Variants in HCN1 observed in about 807,000 individuals in gnomAD.
HCN1 encodes the protein potassium/sodium hyperpolarization-activated cyclic nucleotide-gated channel 1.
Under a neutral mutation model 78.9 loss-of-function variants are expected in HCN1, and 13 were observed. The ratio of observed to expected loss-of-function variants is 0.16; its 90% CI spans 0.11 to 0.26. The LOEUF is 0.26. Ranked by LOEUF, HCN1 falls within the 10% of genes least tolerant of loss-of-function variation. The probability of loss-of-function intolerance (pLI) is 1.00; values close to 1 mark genes in which losing one functional copy is unlikely to be tolerated. For synonymous variants in HCN1, 552 were observed against 455.5 expected (o/e 1.21, Z -2.70); for missense variants, 810 against 1,154.3 (o/e 0.70, Z 4.32).
In HCN1 at chr5:45,645,347, G is replaced by A. The variant is rs1442056712; in HGVS notation, c.687C>T (p.Ser229=). Residue 229 remains serine (S), a synonymous_variant, in exon 2 of 8, where the codon TCC becomes TCT. Coordinates refer to ENST00000303230, the MANE Select transcript of HCN1 (RefSeq NM_021072.4). Reference sequence around the variant, plus strand: ...TAAGAAAGATATAATCCACTGGGATGGATGAGATGAAGTCAACCACAAACC... The same window carrying A: ...TAAGAAAGATATAATCCACTGGGATAGATGAGATGAAGTCAACCACAAACC... The part of the protein sequence containing the change: ...KSWFVVDFIS[S]IPVDYIFLIV... 1 of 1,613,574 alleles carries A rather than the reference G, an allele frequency of 6.2e-7. No individual in the cohort carries two copies. The highest frequency in any genetic ancestry group is 1.1e-5 in the South Asian group (1 of 91,066).
chr5:45,522,825 A>C (rs980302551), intron 2 of HCN1, among the ~76,000 whole-genome samples: 3 of 151,860 alleles, frequency 2.0e-5, no homozygotes, highest in Admixed American at 6.6e-5. Flanking sequence ...ATATTGTCCA[A>C]GTCTGCTTTC....
intron 2 of HCN1, among the ~76,000 whole-genome samples, chr5:45,499,723 A>G (rs1269494765): frequency 6.6e-6 from 1 of 152,214 alleles, no homozygotes; most frequent in African/African-American, 2.4e-5. Context: ...GTCACACTAT[A>G]CATGACACTG....
intron 2 of HCN1, among the ~76,000 whole-genome samples, chr5:45,519,077 G>A (rs1325181723): frequency 6.6e-6 from 1 of 151,828 alleles, no homozygotes; most frequent in African/African-American, 2.4e-5. Context: ...TCAAAATCAA[G>A]TTATGCTAGC....
At chr5:45,481,594 T>C (rs1481187284) in intron 2 of HCN1, among the ~76,000 whole-genome samples, 3 of 152,130 alleles carry the variant, frequency 2.0e-5, no homozygotes, top group Non-Finnish European at 2.9e-5. Flanking sequence ...TACTCTGACA[T>C]AGCAGCTGAA....
intron 2 of HCN1, among the ~76,000 whole-genome samples, chr5:45,485,455 T>C (rs1741737265): frequency 6.6e-6 from 1 of 152,182 alleles, no homozygotes; most frequent in Non-Finnish European, 1.5e-5. Context: ...ACTTAAATTT[T>C]CCTCTTATTA....
chr5:45,493,816 G>A (rs1024502397), intron 2 of HCN1, among the ~76,000 whole-genome samples: 4 of 126,684 alleles, frequency 3.2e-5, no homozygotes, highest in African/African-American at 1.2e-4. Context: ...AGTTCTCATT[G>A]TTCAATTCCC....
At chr5:45,428,483 A>G (rs1321434807) in intron 3 of HCN1, among the ~76,000 whole-genome samples, 2 of 151,956 alleles carry the variant, frequency 1.3e-5, no homozygotes, top group Non-Finnish European at 2.9e-5. Context: ...AATTCATGTC[A>G]CTCTAATTCA....
chr5:45,481,355 A>G (rs1407036394), intron 2 of HCN1, among the ~76,000 whole-genome samples: 1 of 152,224 alleles, frequency 6.6e-6, no homozygotes, highest in African/African-American at 2.4e-5. Context: ...TTGGTTTCAA[A>G]CTAGATATGA....
At chr5:45,598,576 T>C (rs943789895) in intron 2 of HCN1, among the ~76,000 whole-genome samples, 3 of 152,146 alleles carry the variant, frequency 2.0e-5, no homozygotes, top group African/African-American at 7.2e-5. Flanking sequence ...TGGGATCTAA[T>C]TAAACTGAAG....
chr5:45,544,551 T>A (rs969890536), intron 2 of HCN1, among the ~76,000 whole-genome samples: 4 of 151,828 alleles, frequency 2.6e-5, no homozygotes, highest in African/African-American at 9.7e-5. Context: ...CCCGTTAAAT[T>A]GTCATTTACA....
intron 3 of HCN1, among the ~76,000 whole-genome samples, chr5:45,421,570 C>A (rs73101214): frequency 0.013 from 1,943 of 151,886 alleles, 31 homozygotes; most frequent in Middle Eastern, 0.041. Context: ...CAAAAAAAAA[C>A]CAAGAAACAG....
At position 45,262,194 on chromosome 5, in the gene HCN1, C is replaced by T. The variant is rs1261296520; in HGVS notation, c.2400G>A (p.Leu800=). 1 of 1,613,922 alleles carries T rather than the reference C, an allele frequency of 6.2e-7. No individual in the cohort carries two copies. Among genetic ancestry groups the T allele is most frequent in the Non-Finnish European group, 8.5e-7 (1 of 1,180,036 alleles). Residue 800 remains leucine, a synonymous_variant, in exon 8 of 8, where the codon CTG becomes CTA. Coordinates refer to ENST00000303230, the MANE Select transcript of HCN1 (RefSeq NM_021072.4). ...QPSLPHEVST[L]ISRPHPTVGE... is the part of the protein sequence containing the mutation. The stretch of plus-strand genomic sequence containing the variant: ...CCACAGTGGGATGAGGTCTGGAAAT[C>T]AGAGTGGACACCTCATGGGGCAGCG...
intron 6 of HCN1, among the ~76,000 whole-genome samples, chr5:45,275,502 T>C (rs1447137699): frequency 6.6e-6 from 1 of 152,124 alleles, no homozygotes; most frequent in Non-Finnish European, 1.5e-5. Context: ...GAAATTAAGG[T>C]TTACACTTTC....
chr5:45,347,477 C>T (rs1029275959), intron 5 of HCN1, among the ~76,000 whole-genome samples: 24 of 152,272 alleles, frequency 1.6e-4, no homozygotes, highest in East Asian at 1.2e-3. Context: ...TCCAAAGGAA[C>T]GCAGTTGGTC....
At chr5:45,444,794 C>A (rs1203817194) in intron 3 of HCN1, among the ~76,000 whole-genome samples, 2 of 150,444 alleles carry the variant, frequency 1.3e-5, no homozygotes, top group South Asian at 4.2e-4. Flanking sequence ...TTTTCTTTTT[C>A]TTTCTTTTAT....
At chr5:45,568,575 G>A (rs1373586214) in intron 2 of HCN1, among the ~76,000 whole-genome samples, 1 of 151,860 alleles carries the variant, frequency 6.6e-6, no homozygotes, top group African/African-American at 2.4e-5. Context: ...GCACAGAGTA[G>A]AATTTCATTA....
chr5:45,280,502 C>T (rs1392054858), intron 6 of HCN1, among the ~76,000 whole-genome samples: 1 of 152,120 alleles, frequency 6.6e-6, no homozygotes, highest in African/African-American at 2.4e-5. Context: ...TGGAGTTGTC[C>T]TGTGCATTGT....
intron 5 of HCN1, among the ~76,000 whole-genome samples, chr5:45,344,289 G>A (rs1746651178): frequency 2.0e-5 from 3 of 152,150 alleles, no homozygotes; most frequent in South Asian, 2.1e-4. Context: ...AGGGATTATG[G>A]GAGCTACAAT....
intron 2 of HCN1, among the ~76,000 whole-genome samples, chr5:45,615,521 A>C (rs1435982058): frequency 6.6e-6 from 1 of 151,956 alleles, no homozygotes; most frequent in Non-Finnish European, 1.5e-5. Flanking sequence ...TTGCAAGACT[A>C]CAGAATAAAA....
Sources: gnomAD v4.1 joint callset for allele counts (sites outside exome capture counted in the v4.1 genomes callset) on GRCh38, gnomAD v4.1.1 for gene constraint, MANE v1.5 for transcripts, NCBI Gene and HGNC (gene_info 2026-07-23, HGNC 2026-07-21) for gene names.